ASTN2: variants seen among roughly 807,000 people sequenced by gnomAD.
ASTN2 encodes astrotactin-2.
In ASTN2, 54 loss-of-function variants were observed where a neutral mutation model predicts 139.8. The ratio of observed to expected loss-of-function variants is 0.39; its 90% CI spans 0.31 to 0.48. ASTN2 has a LOEUF of 0.48. Among genes scored for constraint, ASTN2 ranks in the 20% least tolerant of loss-of-function variants. ASTN2 has a pLI of 0.95. For missense variants in ASTN2, 1,565 were observed against 1,725.1 expected (o/e 0.91, Z 1.64); for synonymous variants, 756 against 719.5 (o/e 1.05, Z -0.81).
intron 4 of ASTN2, among the ~76,000 whole-genome samples, chr9:117,097,043 G>T (rs1220629894): frequency 6.6e-6 from 1 of 152,168 alleles, no homozygotes; most frequent in African/African-American, 2.4e-5. Context: ...GCCAGCCATG[G>T]TATATACAAG....
At chr9:116,868,455 T>C (rs561499805) in intron 10 of ASTN2, among the ~76,000 whole-genome samples, 15 of 152,202 alleles carry the variant, frequency 9.9e-5, no homozygotes, top group South Asian at 2.1e-4. Flanking sequence ...CCCGTAAGAA[T>C]GTGTGTTCAA....
At chr9:117,270,053 A>C (rs939549090) in intron 2 of ASTN2, among the ~76,000 whole-genome samples, 6 of 152,168 alleles carry the variant, frequency 3.9e-5, no homozygotes, top group Non-Finnish European at 8.8e-5. Flanking sequence ...GAAATTTGGG[A>C]TTTAAACCCA....
chr9:116,576,713 T>A (rs977447217), intron 19 of ASTN2, among the ~76,000 whole-genome samples: 2 of 152,152 alleles, frequency 1.3e-5, no homozygotes, highest in African/African-American at 4.8e-5. Context: ...ATTCTCCCCT[T>A]CTTACCCCCT....
At chr9:116,592,916 T>C (rs1256278382) in intron 19 of ASTN2, among the ~76,000 whole-genome samples, 1 of 152,210 alleles carries the variant, frequency 6.6e-6, no homozygotes, top group Non-Finnish European at 1.5e-5. Flanking sequence ...AGGTGAGATG[T>C]GGATGAAGTC....
At chr9:117,088,721 A>C (rs1828629400) in intron 5 of ASTN2, among the ~76,000 whole-genome samples, 1 of 152,196 alleles carries the variant, frequency 6.6e-6, no homozygotes, top group Non-Finnish European at 1.5e-5. Context: ...CTAAGCAGCA[A>C]AGCTTAGAGG....
At chr9:116,507,398 G>C (rs1054071651) in intron 19 of ASTN2, among the ~76,000 whole-genome samples, 1 of 152,126 alleles carries the variant, frequency 6.6e-6, no homozygotes, top group Non-Finnish European at 1.5e-5. Flanking sequence ...ACACACAGGA[G>C]GAGAAAAACA....
At chr9:116,587,758 T>C (rs1854216561) in intron 19 of ASTN2, among the ~76,000 whole-genome samples, 1 of 152,176 alleles carries the variant, frequency 6.6e-6, no homozygotes, top group Non-Finnish European at 1.5e-5. Flanking sequence ...AGTCCAAGGA[T>C]ACACCACATT....
intron 1 of ASTN2, among the ~76,000 whole-genome samples, chr9:117,362,955 C>A (rs939287752): frequency 1.3e-5 from 2 of 152,158 alleles, no homozygotes; most frequent in South Asian, 2.1e-4. Flanking sequence ...AACTAATAAG[C>A]CTCTTCCTAC....
chr9:117,055,459 A>T lies in ASTN2; in HGVS notation c.1277-15494T>A, dbSNP rs73525383. ...TAGTAACACACATATTTTATTTAAC[A>T]TGCAGAATATATTTAGTCTCTATAT... On this transcript the variant is annotated intron_variant, in intron 5 of 22. Transcript: ENST00000313400. Among the ~76,000 whole-genome samples the T allele has an allele frequency of 3.1e-3, 474 of 152,310 alleles. 2 individuals are homozygous for T. Among genetic ancestry groups the T allele is most frequent in the African/African-American group, 0.011 (442 of 41,574 alleles).
chr9:117,146,761 A>G (rs1181385549), intron 3 of ASTN2, among the ~76,000 whole-genome samples: 1 of 152,230 alleles, frequency 6.6e-6, no homozygotes, highest in Non-Finnish European at 1.5e-5. Context: ...GAATTTACTC[A>G]TGTAATGTAA....
intron 1 of ASTN2, among the ~76,000 whole-genome samples, chr9:117,396,884 C>T (rs763777752): frequency 2.7e-5 from 4 of 150,660 alleles, no homozygotes; most frequent in Admixed American, 6.6e-5. Context: ...TATTTTGATA[C>T]AGGCATGCAA....
At chr9:117,220,699 AG>A (rs1158574585) in intron 2 of ASTN2, among the ~76,000 whole-genome samples, 1 of 152,134 alleles carries the variant, frequency 6.6e-6, no homozygotes, top group Non-Finnish European at 1.5e-5. Flanking sequence ...AGCCTCCGGG[AG>A]GAGGCTTGCT....
rs777087582 is a variant in ASTN2 at position 116,863,679 on chromosome 9, G to C, written c.1944C>G (p.Ser648=). The C allele has an allele frequency of 1.2e-6, 2 of 1,614,158 alleles. No homozygotes were observed. Among genetic ancestry groups the C allele is most frequent in the Non-Finnish European group, 1.7e-6 (2 of 1,180,026 alleles). Residue 648 remains serine (S), a synonymous_variant, in exon 11 of 23, where the codon TCC becomes TCG. Transcript: ENST00000313400. The part of the protein sequence containing the change: ...YFETINDLLS[S]FGPVRDCSRN... ...GAGAGCAGTCACGAACTGGCCCGAA[G>C]GAAGACAGCAGGTCATTGATGGTTT...
At chr9:116,792,312 A>G (rs956900924) in intron 13 of ASTN2, among the ~76,000 whole-genome samples, 4 of 152,142 alleles carry the variant, frequency 2.6e-5, no homozygotes, top group African/African-American at 7.2e-5. Flanking sequence ...ACCCAGGCCA[A>G]TGTCTTCTCC....
chr9:117,073,536 C>A (rs968099496), intron 5 of ASTN2, among the ~76,000 whole-genome samples: 5 of 152,242 alleles, frequency 3.3e-5, no homozygotes, highest in Admixed American at 6.5e-5. Context: ...TTAATGTTAC[C>A]ATTTTTCTCC....
chr9:117,276,148 T>G (rs1477570859), intron 2 of ASTN2, among the ~76,000 whole-genome samples: 1 of 152,222 alleles, frequency 6.6e-6, no homozygotes. Flanking sequence ...AAATTTCTAT[T>G]TATCAGGCAC....
At chr9:117,196,696 T>G (rs1205156462) in intron 3 of ASTN2, among the ~76,000 whole-genome samples, 1 of 152,192 alleles carries the variant, frequency 6.6e-6, no homozygotes, top group South Asian at 2.1e-4. Context: ...TCATTTTTCA[T>G]GGTAACTATG....
At chr9:117,213,148 G>A (rs1055919963) in intron 3 of ASTN2, among the ~76,000 whole-genome samples, 1 of 152,174 alleles carries the variant, frequency 6.6e-6, no homozygotes, top group Non-Finnish European at 1.5e-5. Flanking sequence ...TGATGGAACT[G>A]AAGAACATTA....
Position 117,294,892 on chromosome 9 carries a change from A to C in ASTN2, c.443-3379T>G, listed in dbSNP as rs375249801. On this transcript the variant is annotated intron_variant, in intron 1 of 22. Coordinates refer to ENST00000313400, the MANE Select transcript of ASTN2 (RefSeq NM_001365068.1). ...AGAACCTATGAGCTGTCTTCTTCTCAGTGTTTGTCTCTCAGTCCAAATGAT... is the reference window on the plus strand; with the variant it reads ...AGAACCTATGAGCTGTCTTCTTCTCCGTGTTTGTCTCTCAGTCCAAATGAT... 9.9e-5 allele frequency among the ~76,000 whole-genome samples: 15 copies of C among 152,124 alleles called. No homozygotes were observed. In the East Asian group the frequency reaches 2.1e-3, roughly 22 times the overall value.
Sources: allele counts gnomAD v4.1 joint callset (sites outside exome capture counted in the v4.1 genomes callset), GRCh38; gene constraint gnomAD v4.1.1; transcripts MANE v1.5; gene names NCBI Gene and HGNC (gene_info 2026-07-23, HGNC 2026-07-21).